The following SHOC2 variants were observed in gnomAD, a reference collection of about 807,000 sequenced individuals.
The protein encoded by SHOC2 is leucine-rich repeat protein SHOC-2.
SHOC2 carries 4 observed loss-of-function variants against 50.2 expected under a neutral mutation model. The ratio of observed to expected loss-of-function variants is 0.08; its 90% CI spans 0.04 to 0.18. The LOEUF (loss-of-function observed/expected upper bound fraction) is 0.18. SHOC2 is among the 10% of genes least tolerant of loss of function. The probability of loss-of-function intolerance (pLI) is 1.00; values close to 1 mark genes in which losing one functional copy is unlikely to be tolerated. For synonymous variants in SHOC2, 218 were observed against 244.5 expected (o/e 0.89, Z 1.01); for missense variants, 388 against 669.6 (o/e 0.58, Z 4.64).
At chr10:110,960,609 A>T (rs189584117) in intron 1 of SHOC2, among the ~76,000 whole-genome samples, 45 of 152,336 alleles carry the variant, frequency 3.0e-4, no homozygotes, top group Admixed American at 2.7e-3. Context: ...CAGAGTTTTC[A>T]TAATTTGGAA....
Position 111,004,614 on chromosome 10 carries a change from A to G in SHOC2, c.981A>G (p.Leu327=), listed in dbSNP as rs1440014484. ...TTTCATTTTTTTTACAGAGTCTTTT[A>G]TCAAGTCTTGTGAAACTGAATAGTT... is the stretch of plus-strand genomic sequence containing the variant. ...NNISTLPESL[L]SSLVKLNSLT... The change falls in exon 5 of 9, where the codon TTA becomes TTG. Residue 327 remains leucine, a synonymous_variant. Coordinates refer to ENST00000369452, the MANE Select transcript of SHOC2 (RefSeq NM_007373.4). 1.9e-6 allele frequency: 3 copies of G among 1,609,188 alleles called. No individual in the cohort carries two copies. Among genetic ancestry groups the G allele is most frequent in the Middle Eastern group, 1.6e-4 (1 of 6,076 alleles).
intron 3 of SHOC2, among the ~76,000 whole-genome samples, chr10:110,994,265 A>T (rs12413906): frequency 0.011 from 1,653 of 152,356 alleles, 69 homozygotes; most frequent in Admixed American, 0.08. Context: ...AGCAGTGGCC[A>T]TAGGAATGGA....
intron 3 of SHOC2, among the ~76,000 whole-genome samples, chr10:110,997,473 T>C (rs1157332644): frequency 6.6e-6 from 1 of 152,216 alleles, no homozygotes; most frequent in Non-Finnish European, 1.5e-5. Flanking sequence ...TCCCTTTTTT[T>C]GCATGCCTGT....
At chr10:110,925,523 T>C (rs11814686) in intron 1 of SHOC2, among the ~76,000 whole-genome samples, 8,836 of 152,256 alleles carry the variant, frequency 0.058, 331 homozygotes, top group African/African-American at 0.11. Flanking sequence ...GGCACAATCA[T>C]GGGGCTCATT....
chr10:110,919,544 A>C (rs1004095625), upstream of SHOC2: 3 of 9,346 alleles, frequency 3.2e-4, no homozygotes, highest in Non-Finnish European at 5.8e-4. Flanking sequence ...GGGCGGGGCG[A>C]GTGGGGGAGG....
intron 1 of SHOC2, among the ~76,000 whole-genome samples, chr10:110,955,449 A>C (rs1847441462): frequency 6.6e-6 from 1 of 151,440 alleles, no homozygotes; most frequent in South Asian, 2.1e-4. Flanking sequence ...GAAGGAAATC[A>C]AGTTTGATGC....
At chr10:110,937,373 A>T (rs1264481971) in intron 1 of SHOC2, 2 of 596,686 alleles carry the variant, frequency 3.4e-6, no homozygotes, top group African/African-American at 3.7e-5. Context: ...TCTGACTGTC[A>T]TGTAATTTAC....
intron 1 of SHOC2, chr10:110,951,617 C>G (rs1847354611): frequency 6.6e-6 from 1 of 152,074 alleles, no homozygotes; most frequent in Non-Finnish European, 1.5e-5. Context: ...GCATTGTTTA[C>G]AATAACCAAG....
chr10:110,942,874 A>G (rs372323579), intron 1 of SHOC2, among the ~76,000 whole-genome samples: 65 of 152,354 alleles, frequency 4.3e-4, no homozygotes, highest in African/African-American at 1.5e-3. Context: ...AACTTTGAGT[A>G]TGTCCTCCCA....
At chr10:110,984,472 G>C (rs1341390086) in intron 2 of SHOC2, among the ~76,000 whole-genome samples, 2 of 151,946 alleles carry the variant, frequency 1.3e-5, no homozygotes, top group Non-Finnish European at 2.9e-5. Context: ...ACTCTTCATA[G>C]TATCCTCTGA....
chr10:110,948,939 A>G (rs1564708723), intron 1 of SHOC2, among the ~76,000 whole-genome samples: 1 of 149,426 alleles, frequency 6.7e-6, no homozygotes, highest in African/African-American at 2.5e-5. Flanking sequence ...GATTTTTTGC[A>G]TTTTTTTTTT....
At chr10:110,942,499 C>T (rs886374835) in intron 1 of SHOC2, among the ~76,000 whole-genome samples, 1 of 152,094 alleles carries the variant, frequency 6.6e-6, no homozygotes. Context: ...AGGCATGAGC[C>T]ACTGTACCCA....
chr10:110,920,544 T>G (rs928877102), intron 1 of SHOC2, among the ~76,000 whole-genome samples: 2 of 152,226 alleles, frequency 1.3e-5, no homozygotes, highest in Non-Finnish European at 2.9e-5. Flanking sequence ...TTTCTTTTCT[T>G]CCTTCCTTTC....
At chr10:110,927,546 A>C (rs1029586309) in intron 1 of SHOC2, among the ~76,000 whole-genome samples, 13 of 152,222 alleles carry the variant, frequency 8.5e-5, no homozygotes, top group African/African-American at 3.1e-4. Context: ...TGAAATTCTT[A>C]ATACTAGAAA....
intron 3 of SHOC2, among the ~76,000 whole-genome samples, chr10:110,988,238 G>A (rs1383580265): frequency 2.6e-5 from 4 of 152,106 alleles, no homozygotes; most frequent in African/African-American, 7.2e-5. Flanking sequence ...TGCTGGCTAC[G>A]TATGTTCAAT....
chr10:111,009,999 G>T (rs1029846182), intron 8 of SHOC2, among the ~76,000 whole-genome samples, 169 bp downstream of exon 8: 44 of 151,910 alleles, frequency 2.9e-4, no homozygotes, highest in African/African-American at 1.0e-3. Flanking sequence ...ATTGGTTTTG[G>T]TTAGGTTTCC....
intron 4 of SHOC2, among the ~76,000 whole-genome samples, chr10:111,003,759 G>T (rs1382070714): frequency 1.3e-5 from 2 of 152,150 alleles, no homozygotes; most frequent in African/African-American, 2.4e-5. Context: ...TTTCTCACGA[G>T]CTCCCAGGGG....
At chr10:110,921,479 C>G (rs1461220263) in intron 1 of SHOC2, among the ~76,000 whole-genome samples, 1 of 152,054 alleles carries the variant, frequency 6.6e-6, no homozygotes, top group Non-Finnish European at 1.5e-5. Context: ...ATCCCAGTTT[C>G]AAATTATGGA....
chr10:111,008,196 ATAAT>A (rs1459714066), intron 6 of SHOC2, among the ~76,000 whole-genome samples: 1 of 148,016 alleles, frequency 6.8e-6, no homozygotes, highest in Non-Finnish European at 1.5e-5. Flanking sequence ...ATGTTTTTCC[ATAAT>A]TAAAGATCCA....
Sources: gnomAD v4.1 joint callset for allele counts (sites outside exome capture counted in the v4.1 genomes callset) on GRCh38, gnomAD v4.1.1 for gene constraint, MANE v1.5 for transcripts, NCBI Gene and HGNC (gene_info 2026-07-23, HGNC 2026-07-21) for gene names.